Variants in PTN observed in about 807,000 individuals in gnomAD.
The protein encoded by PTN is heparin affin regulatory protein.
In PTN, 18 loss-of-function variants were observed where a neutral mutation model predicts 24.1. That is an observed-to-expected ratio of 0.75 (90% CI 0.52 to 1.11). The LOEUF (loss-of-function observed/expected upper bound fraction) is 1.11, where lower values mean the gene tolerates loss of function less well. PTN is among the 50% of genes least tolerant of loss of function. The probability of loss-of-function intolerance (pLI) is 0.00; values close to 1 mark genes in which losing one functional copy is unlikely to be tolerated. For synonymous variants in PTN, 78 were observed against 68.6 expected, an observed-to-expected ratio of 1.14 and a Z score of -0.67; for missense variants, 163 against 198.8, an observed-to-expected ratio of 0.82 and a Z score of 1.08.
chr7:137,330,312 A>G (rs906241507), intron 1 of PTN, among the ~76,000 whole-genome samples: 2 of 151,966 alleles, frequency 1.3e-5, no homozygotes, highest in Admixed American at 6.6e-5. Context: ...ATGGAGAAGG[A>G]GAAAGAGAAG....
intron 1 of PTN, among the ~76,000 whole-genome samples, chr7:137,258,237 AAAG>A (rs1808970368): frequency 6.6e-6 from 1 of 152,208 alleles, no homozygotes; most frequent in Admixed American, 6.6e-5. Flanking sequence ...AGCTGACTGG[AAAG>A]AAGGAAAGGT....
At chr7:137,281,575 C>T (rs979110641) in intron 1 of PTN, among the ~76,000 whole-genome samples, 18 of 152,152 alleles carry the variant, frequency 1.2e-4, no homozygotes, top group Non-Finnish European at 1.6e-4. Context: ...TCCATTTTGA[C>T]GAGATTAAGA....
intron 1 of PTN, among the ~76,000 whole-genome samples, chr7:137,298,753 G>C (rs1220781636): frequency 6.6e-6 from 1 of 151,894 alleles, no homozygotes; most frequent in Non-Finnish European, 1.5e-5. Context: ...CAGGGGTTAG[G>C]GTTTCCTGCC....
At chr7:137,326,334 T>C (rs1810261587) in intron 1 of PTN, 1 of 152,200 alleles carries the variant, frequency 6.6e-6, no homozygotes, top group African/African-American at 2.4e-5. Flanking sequence ...TTTCTATCAA[T>C]GGCACTAGAA....
chr7:137,242,225 T>C (rs1808642808), intron 4 of PTN, among the ~76,000 whole-genome samples: 1 of 152,232 alleles, frequency 6.6e-6, no homozygotes, highest in Non-Finnish European at 1.5e-5. Context: ...AAACAGTTTC[T>C]GTTCTTTTGA....
intron 1 of PTN, among the ~76,000 whole-genome samples, chr7:137,292,316 C>T (rs972476380): frequency 6.6e-6 from 1 of 152,170 alleles, no homozygotes; most frequent in Non-Finnish European, 1.5e-5. Context: ...TGTGTCCCCA[C>T]ACAAATCTCA....
intron 4 of PTN, among the ~76,000 whole-genome samples, chr7:137,234,200 T>C (rs1040009790): frequency 1.2e-4 from 18 of 151,938 alleles, no homozygotes; most frequent in African/African-American, 4.1e-4. Context: ...CTTTATATTA[T>C]CCTACTCCAT....
chr7:137,280,081 G>T (rs985475185), intron 1 of PTN, among the ~76,000 whole-genome samples: 39 of 152,210 alleles, frequency 2.6e-4, no homozygotes, highest in African/African-American at 9.2e-4. Context: ...TTCATAAACG[G>T]CTCCCTAAGT....
chr7:137,246,550 A>G (rs1808726425), intron 4 of PTN, among the ~76,000 whole-genome samples: 2 of 152,148 alleles, frequency 1.3e-5, no homozygotes, highest in African/African-American at 4.8e-5. Context: ...TCCCTTTCCT[A>G]TAATTCTCAT....
At chr7:137,311,995 C>A (rs1809989877) in intron 1 of PTN, among the ~76,000 whole-genome samples, 1 of 151,866 alleles carries the variant, frequency 6.6e-6, no homozygotes, top group African/African-American at 2.4e-5. Flanking sequence ...AAGCAAAGCC[C>A]AACAGAATGA....
At chr7:137,267,645 G>A (rs755324780) in intron 1 of PTN, among the ~76,000 whole-genome samples, 1 of 152,062 alleles carries the variant, frequency 6.6e-6, no homozygotes, top group Non-Finnish European at 1.5e-5. Flanking sequence ...ATAGTTCCTA[G>A]TGGGGTGGGC....
chr7:137,248,604 C>A (rs1400115316), intron 4 of PTN, among the ~76,000 whole-genome samples: 1 of 152,166 alleles, frequency 6.6e-6, no homozygotes, highest in Non-Finnish European at 1.5e-5. Flanking sequence ...CACTTGAACC[C>A]AGGAGGCGGA....
intron 1 of PTN, among the ~76,000 whole-genome samples, chr7:137,314,631 C>T (rs577026469): frequency 1.5e-3 from 64 of 41,462 alleles, no homozygotes; most frequent in African/African-American, 5.4e-3. Flanking sequence ...CTCGCCCTCT[C>T]GCCCATGCTG....
intron 4 of PTN, among the ~76,000 whole-genome samples, chr7:137,240,099 C>T (rs77063876): frequency 0.015 from 2,214 of 152,284 alleles, 30 homozygotes; most frequent in Middle Eastern, 0.027. Context: ...CTCTATCTCA[C>T]GTACTCCTTT....
intron 1 of PTN, chr7:137,326,050 G>A (rs1430175754): frequency 1.3e-5 from 2 of 152,216 alleles, no homozygotes; most frequent in African/African-American, 4.8e-5. Context: ...ATGAAAGCAT[G>A]TTGTGAATGC....
intron 1 of PTN, chr7:137,325,371 T>C (rs914190734): frequency 2.6e-5 from 4 of 152,162 alleles, no homozygotes; most frequent in Admixed American, 6.5e-5. Flanking sequence ...TACCACTGAT[T>C]CTGCCCTCCC....
At chr7:137,258,802 T>C (rs920914830) in intron 1 of PTN, among the ~76,000 whole-genome samples, 2 of 152,100 alleles carry the variant, frequency 1.3e-5, no homozygotes, top group Non-Finnish European at 2.9e-5. Flanking sequence ...GCTCTTCCTG[T>C]ATGAAGTTTA....
At chr7:137,301,574 TA>T (rs35933215) in intron 1 of PTN, among the ~76,000 whole-genome samples, 6 of 149,416 alleles carry the variant, frequency 4.0e-5, no homozygotes, top group South Asian at 4.2e-4. Flanking sequence ...GTATATTAAG[TA>T]AAAAAAAAAA....
intron 1 of PTN, among the ~76,000 whole-genome samples, chr7:137,328,519 A>G (rs933771618): frequency 3.3e-5 from 5 of 152,254 alleles, no homozygotes; most frequent in African/African-American, 7.2e-5. Flanking sequence ...TCCCTATTGT[A>G]TGTTCAGCTG....
Sources: gnomAD v4.1 joint callset for allele counts (sites outside exome capture counted in the v4.1 genomes callset) on GRCh38, gnomAD v4.1.1 for gene constraint, MANE v1.5 for transcripts, NCBI Gene and HGNC (gene_info 2026-07-23, HGNC 2026-07-21) for gene names.